NCAM2: variants seen among roughly 807,000 people sequenced by gnomAD.
NCAM2 encodes neural cell adhesion molecule 2.
Under a neutral mutation model 98.1 loss-of-function variants are expected in NCAM2, and 30 were observed. That is an observed-to-expected ratio of 0.31 (90% confidence interval 0.23 to 0.41). The LOEUF (loss-of-function observed/expected upper bound fraction) is 0.41, where lower values mean the gene tolerates loss of function less well. Among genes scored for constraint, NCAM2 ranks in the 10% least tolerant of loss-of-function variants. The pLI is 1.00. For synonymous variants in NCAM2, 368 were observed against 342.4 expected (o/e 1.07, Z -0.83); for missense variants, 867 against 1,005.8 (o/e 0.86, Z 1.87).
chr21:21,180,994 G>A (rs2068449864), intron 1 of NCAM2, among the ~76,000 whole-genome samples: 1 of 152,078 alleles, frequency 6.6e-6, no homozygotes, highest in Admixed American at 6.6e-5. Flanking sequence ...GTACATGAGT[G>A]GGTCATTTTC....
At chr21:21,121,823 T>TA (rs2066681570) in intron 1 of NCAM2, among the ~76,000 whole-genome samples, 1 of 152,226 alleles carries the variant, frequency 6.6e-6, no homozygotes, top group Non-Finnish European at 1.5e-5. Flanking sequence ...CTGCCTGTGT[T>TA]ACGATTGGGT....
chr21:21,393,675 A>G (rs564168034), intron 9 of NCAM2, among the ~76,000 whole-genome samples: 3 of 152,292 alleles, frequency 2.0e-5, no homozygotes, highest in South Asian at 2.1e-4. Flanking sequence ...TGATATATCT[A>G]TATCACCAGT....
chr21:21,187,674 C>A (rs1205842396), intron 1 of NCAM2, among the ~76,000 whole-genome samples: 2 of 152,184 alleles, frequency 1.3e-5, no homozygotes, highest in South Asian at 4.2e-4. Flanking sequence ...AATAGAAGAT[C>A]ATCACAAAAT....
At chr21:21,275,687 T>C (rs2072703064) in intron 1 of NCAM2, among the ~76,000 whole-genome samples, 1 of 152,086 alleles carries the variant, frequency 6.6e-6, no homozygotes, top group Non-Finnish European at 1.5e-5. Flanking sequence ...CTTTAACTGA[T>C]CACAGATGTA....
In NCAM2 at chr21:21,539,183, C is replaced by A. The variant is rs1405803280; in HGVS notation, c.*1226C>A. The A allele has an allele frequency of 1.3e-5, 2 of 152,106 alleles. No individual in the cohort carries two copies. Among genetic ancestry groups the A allele is most frequent in the African/African-American group, 4.8e-5 (2 of 41,428 alleles). The allele number at this position is 152,106 out of a possible 1,614,324, so 9.4% of individuals were successfully genotyped here. A position where few individuals can be genotyped will look rare whatever the true frequency, so the allele number is the denominator to read the frequency against. On this transcript the variant is annotated 3_prime_UTR_variant, in exon 18 of 18. Coordinates refer to ENST00000400546, the MANE Select transcript of NCAM2 (RefSeq NM_004540.5). ...TCTAATATCTTTTGTTAGGGTTATA[C>A]CAGAATAAAATGCTTCTTTACTTCC...
intron 1 of NCAM2, among the ~76,000 whole-genome samples, chr21:21,002,634 C>T (rs971205484): frequency 2.6e-5 from 4 of 152,124 alleles, no homozygotes; most frequent in African/African-American, 9.7e-5. Flanking sequence ...TAACTTATCT[C>T]TTTTCAGGGT....
chr21:21,390,929 T>G (rs1423037370), intron 9 of NCAM2, among the ~76,000 whole-genome samples: 3 of 152,238 alleles, frequency 2.0e-5, no homozygotes, highest in Non-Finnish European at 4.4e-5. Context: ...GGTTTCCAAC[T>G]TGCTTGGATA....
intron 1 of NCAM2, among the ~76,000 whole-genome samples, chr21:21,197,709 G>A (rs1370409162): frequency 1.3e-5 from 2 of 152,124 alleles, no homozygotes; most frequent in Non-Finnish European, 2.9e-5. Context: ...TGAAGGATAA[G>A]CCTTACCAAT....
chr21:21,087,414 G>A (rs1023142217), intron 1 of NCAM2, among the ~76,000 whole-genome samples: 1 of 152,016 alleles, frequency 6.6e-6, no homozygotes, highest in Non-Finnish European at 1.5e-5. Flanking sequence ...ATCTACTGTC[G>A]CTGCTCCCCT....
At chr21:21,467,353 A>G (rs946222735) in intron 13 of NCAM2, among the ~76,000 whole-genome samples, 1 of 148,178 alleles carries the variant, frequency 6.7e-6, no homozygotes, top group Non-Finnish European at 1.5e-5. Context: ...ATAAAAATCT[A>G]TGCGTAACAC....
At chr21:21,291,711 T>G (rs184859007) in intron 4 of NCAM2, among the ~76,000 whole-genome samples, 2 of 151,920 alleles carry the variant, frequency 1.3e-5, no homozygotes, top group African/African-American at 2.4e-5. Context: ...TTCAATAAAT[T>G]TTCTAGCCCT....
chr21:21,323,797 T>C (rs559329077), intron 5 of NCAM2, among the ~76,000 whole-genome samples: 59 of 152,316 alleles, frequency 3.9e-4, no homozygotes, highest in Admixed American at 3.9e-3. Context: ...CTTCATAAAA[T>C]GTTCTATAGC....
intron 1 of NCAM2, among the ~76,000 whole-genome samples, chr21:21,252,393 A>G (rs1032530896): frequency 5.3e-5 from 8 of 150,230 alleles, no homozygotes; most frequent in African/African-American, 1.7e-4. Flanking sequence ...TATATAAGAT[A>G]TATACTCTCC....
chr21:21,056,069 A>G (rs886562089), intron 1 of NCAM2, among the ~76,000 whole-genome samples: 14 of 151,138 alleles, frequency 9.3e-5, no homozygotes, highest in Non-Finnish European at 1.8e-4. Context: ...TTCTGGCTTA[A>G]GCATTTTTTA....
Position 21,335,575 on chromosome 21 carries a change from A to G in NCAM2, c.808A>G (p.Asn270Asp). The G allele has an allele frequency of 6.2e-7, 1 of 1,611,666 alleles. No homozygotes were observed. Among genetic ancestry groups the G allele is most frequent in the East Asian group, 2.2e-5 (1 of 44,598 alleles). ...GAGCAATACAGAACTCACTGTCAGG[A>G]ACATAATCAATAGTGATGGTGGTCC... ...KGSNTELTVR[N>D]IINSDGGPYV... The change falls in exon 7 of 18, where the codon AAC becomes GAC. Residue 270 changes from asparagine to aspartate, a missense_variant. Physicochemically the swap from Asn to Asp is conservative, Grantham distance 23 (BLOSUM62 1). Transcript: ENST00000400546.
At chr21:21,077,856 C>T (rs1346255160) in intron 1 of NCAM2, among the ~76,000 whole-genome samples, 1 of 152,034 alleles carries the variant, frequency 6.6e-6, no homozygotes, top group Non-Finnish European at 1.5e-5. Context: ...AATACTCTCT[C>T]AGGGAAAAAA....
At chr21:21,009,918 T>TGTGTGTGTG (rs1568923305) in intron 1 of NCAM2, among the ~76,000 whole-genome samples, 1 of 151,206 alleles carries the variant, frequency 6.6e-6, no homozygotes, top group Non-Finnish European at 1.5e-5. Flanking sequence ...TGTGTGTGTG[T>TGTGTGTGTG]TTTAATGATT....
chr21:21,142,747 A>T (rs1190211611), intron 1 of NCAM2, among the ~76,000 whole-genome samples: 2 of 152,230 alleles, frequency 1.3e-5, no homozygotes, highest in Non-Finnish European at 2.9e-5. Flanking sequence ...AGCAAAGTGC[A>T]TATAATAAAG....
At chr21:21,517,262 G>T (rs1471172824) in intron 16 of NCAM2, among the ~76,000 whole-genome samples, 1 of 151,884 alleles carries the variant, frequency 6.6e-6, no homozygotes, top group Non-Finnish European at 1.5e-5. Flanking sequence ...CATTCCATTT[G>T]TCATATTCTT....
Sources: allele counts gnomAD v4.1 joint callset (sites outside exome capture counted in the v4.1 genomes callset), GRCh38; gene constraint gnomAD v4.1.1; transcripts MANE v1.5; gene names NCBI Gene and HGNC (gene_info 2026-07-23, HGNC 2026-07-21).